Variants in LEPR observed in about 807,000 individuals in gnomAD.
The protein encoded by LEPR is OB receptor.
Under a neutral mutation model 114.7 loss-of-function variants are expected in LEPR, and 56 were observed. The observed-to-expected ratio is 0.49, with a 90% CI of 0.39 to 0.61. The LOEUF is 0.61. Ranked by LOEUF, LEPR falls within the 20% of genes least tolerant of loss-of-function variation. LEPR has a pLI of 0.00. For synonymous variants in LEPR, 443 were observed against 461.4 expected (o/e 0.96, Z 0.51); for missense variants, 1,202 against 1,352.9 (o/e 0.89, Z 1.75).
In LEPR at chr1:65,626,241, C is replaced by T. The variant is rs1658209436; in HGVS notation, c.2673+3260C>T. On this transcript the variant is annotated intron_variant, in intron 19 of 19. Coordinates refer to ENST00000349533, the MANE Select transcript of LEPR (RefSeq NM_002303.6). ...CCCTGAGGTGTGCACAATGCTGCCA[C>T]AGGTCATCTGACAGACCTTATATAC... 4 of 1,480,872 alleles carry T rather than the reference C, an allele frequency of 2.7e-6. No individual in the cohort carries two copies. The Admixed American group carries it at 8.6e-5, about 32-fold the overall frequency. 91.7% of individuals were successfully genotyped at this position (1,480,872 alleles called of 1,614,324 possible). A position where few individuals can be genotyped will look rare whatever the true frequency, so the allele number is the denominator to read the frequency against.
At chr1:65,627,723 A>G (rs1658301813) in intron 19 of LEPR, among the ~76,000 whole-genome samples, 1 of 152,200 alleles carries the variant, frequency 6.6e-6, no homozygotes, top group African/African-American at 2.4e-5. Context: ...TGAATAAATA[A>G]GCAAACAAAC....
chr1:65,608,800 A>T lies in LEPR; in HGVS notation c.1651A>T (p.Ile551Phe), dbSNP rs754017622. ...TGTGAAAGCAGAAATTACTATAAAC[A>T]TTGGATTATTGAAAATATCTTGGGA... The part of the protein sequence containing the change: ...SSVKAEITIN[I>F]GLLKISWEKP... Residue 551 changes from isoleucine (I) to phenylalanine (F), a missense_variant, in exon 12 of 20, where the codon ATT becomes TTT. Ile to Phe is a conservative substitution (Grantham distance 21). Coordinates refer to ENST00000349533, the MANE Select transcript of LEPR (RefSeq NM_002303.6). The T allele has an allele frequency of 7.4e-6, 12 of 1,613,658 alleles. No homozygotes were observed. The South Asian group carries it at 1.3e-4, about 18-fold the overall frequency.
In LEPR at chr1:65,439,262, AAT is replaced by A. The variant is rs1646613961; in HGVS notation, c.-21+13889_-21+13890del. On this transcript the variant is annotated intron_variant, in intron 2 of 19. Coordinates refer to ENST00000349533, the MANE Select transcript of LEPR (RefSeq NM_002303.6). ...CCCGGTAAGATTTTTAGGAGAAATT[AAT>A]ATATTCCCTGATTTCTAACTTATTA... is the stretch of plus-strand genomic sequence containing the variant. 3.9e-5 allele frequency among the ~76,000 whole-genome samples: 6 copies of A among 152,304 alleles called. No individual in the cohort carries two copies. The South Asian group carries it at 1.2e-3, about 32-fold the overall frequency.
chr1:65,566,556 TGG>T (rs1438542828), intron 3 of LEPR, among the ~76,000 whole-genome samples: 2 of 152,256 alleles, frequency 1.3e-5, no homozygotes, highest in African/African-American at 4.8e-5. Context: ...TACCACATTC[TGG>T]TGACATTCTG....
chr1:65,423,023 A>C (rs1214440674), intron 1 of LEPR, among the ~76,000 whole-genome samples: 4 of 152,184 alleles, frequency 2.6e-5, no homozygotes, highest in Non-Finnish European at 5.9e-5. Flanking sequence ...ACCTTGACCT[A>C]CTGATTCATT....
chr1:65,454,940 C>A (rs538925489), intron 2 of LEPR, among the ~76,000 whole-genome samples: 1 of 152,296 alleles, frequency 6.6e-6, no homozygotes, highest in East Asian at 1.9e-4. Context: ...TAGATTTGGT[C>A]TTTTCACATA....
At chr1:65,439,157 C>T (rs1454031394) in intron 2 of LEPR, among the ~76,000 whole-genome samples, 1 of 152,128 alleles carries the variant, frequency 6.6e-6, no homozygotes, top group Non-Finnish European at 1.5e-5. Flanking sequence ...TATATCCCTC[C>T]AGTGAATTGG....
chr1:65,535,606 C>T (rs186740244), intron 2 of LEPR, among the ~76,000 whole-genome samples: 14 of 152,116 alleles, frequency 9.2e-5, no homozygotes, highest in African/African-American at 3.4e-4. Flanking sequence ...CCGCTTTGGC[C>T]TCCCAAAGCG....
At chr1:65,566,119 T>C (rs1653734445) in intron 3 of LEPR, among the ~76,000 whole-genome samples, 1 of 152,170 alleles carries the variant, frequency 6.6e-6, no homozygotes, top group Admixed American at 6.5e-5. Flanking sequence ...TTGATAGACA[T>C]TTCTTTTTCT....
rs775831247 is a variant in LEPR, at chr1:65,618,160, A to G, written c.2395+14A>G. The G allele has an allele frequency of 6.9e-6, 11 of 1,595,454 alleles. No individual in the cohort carries two copies. The highest frequency in any genetic ancestry group is 6.7e-5 in the Admixed American group (4 of 59,708). ...ATTATATCCATGGTAAGTTTACTAT[A>G]CTTTAGTAAGTTGCTCTCATGGATT... On this transcript the variant is annotated intron_variant, in intron 16 of 19. Coordinates refer to ENST00000349533, the MANE Select transcript of LEPR (RefSeq NM_002303.6).
At chr1:65,544,006 G>C (rs1651444590) in intron 2 of LEPR, among the ~76,000 whole-genome samples, 1 of 151,966 alleles carries the variant, frequency 6.6e-6, no homozygotes. Flanking sequence ...TTTAAAGAAA[G>C]TCAATGGTGG....
chr1:65,586,266 G>T lies in LEPR; in HGVS notation c.495-6391G>T, dbSNP rs1456984987. Among the ~76,000 whole-genome samples, 3 of 152,096 alleles carry T rather than the reference G, an allele frequency of 2.0e-5. No homozygotes were observed. In the East Asian group the frequency reaches 5.8e-4, roughly 29 times the overall value. The stretch of plus-strand genomic sequence containing the variant: ...GATGATGTTAGTTCCCTCAAAGGGT[G>T]CTTTGAAAAACTGGATTAGATAATA... On this transcript the variant is annotated intron_variant, in intron 5 of 19. Coordinates refer to ENST00000349533, the MANE Select transcript of LEPR (RefSeq NM_002303.6).
At chr1:65,497,198 G>T (rs910990880) in intron 2 of LEPR, among the ~76,000 whole-genome samples, 1 of 152,082 alleles carries the variant, frequency 6.6e-6, no homozygotes, top group Non-Finnish European at 1.5e-5. Flanking sequence ...TCATGCAAAA[G>T]GTAGTTGAAT....
At chr1:65,534,274 A>G (rs1650601681) in intron 2 of LEPR, among the ~76,000 whole-genome samples, 1 of 152,116 alleles carries the variant, frequency 6.6e-6, no homozygotes, top group Admixed American at 6.6e-5. Context: ...TCTATTGTTC[A>G]GTAACTACTG....
chr1:65,433,784 A>C, intron 2 of LEPR: 2 of 950,002 alleles, frequency 2.1e-6, no homozygotes, highest in Non-Finnish European at 2.5e-6. Context: ...GTATTGTAAT[A>C]AATTTCACTT....
Position 65,583,665 on chromosome 1 carries a change from G to A in LEPR, c.495-8992G>A, listed in dbSNP as rs6701532. Among the ~76,000 whole-genome samples, 502 of 152,136 alleles carry A rather than the reference G, an allele frequency of 3.3e-3. 5 individuals are homozygous for A. Among genetic ancestry groups the A allele is most frequent in the African/African-American group, 0.012 (482 of 41,504 alleles). ...ACTCTTCAAGGCAAAATAAAACAAT[G>A]TAATATTCAAAAATGAAATAATCAC... On this transcript the variant is annotated intron_variant, in intron 5 of 19. Transcript: ENST00000349533.
At chr1:65,600,533 C>T (rs3790421) in intron 8 of LEPR, among the ~76,000 whole-genome samples, 71,194 of 151,928 alleles carry the variant, frequency 0.47, 17,880 homozygotes, top group East Asian at 0.88. Flanking sequence ...TTTTCATAGT[C>T]TATCAACAGA....
At chr1:65,421,559 C>A in intron 1 of LEPR, 1 of 1,358,034 alleles carries the variant, frequency 7.4e-7, no homozygotes, top group Non-Finnish European at 1.0e-6. Context: ...CAAAGATATC[C>A]CCAGTTAACA....
At position 65,420,675 on chromosome 1, in the gene LEPR, C is replaced by T. The variant is rs368145929; in HGVS notation, c.-162C>T. 3.2e-6 allele frequency: 5 copies of T among 1,562,010 alleles called. No individual in the cohort carries two copies. The highest frequency in any genetic ancestry group is 1.4e-5 in the African/African-American group (1 of 73,696). ...TCCCGGTCTGGCTTGGGCAGGCTGCCCGGGCCGTGGCAGGAAGCCGGAAGC... is the reference window on the plus strand; with the variant it reads ...TCCCGGTCTGGCTTGGGCAGGCTGCTCGGGCCGTGGCAGGAAGCCGGAAGC... On this transcript the variant is annotated 5_prime_UTR_variant, in exon 1 of 20. Coordinates refer to ENST00000349533, the MANE Select transcript of LEPR (RefSeq NM_002303.6).
Sources: allele counts gnomAD v4.1 joint callset (sites outside exome capture counted in the v4.1 genomes callset), GRCh38; gene constraint gnomAD v4.1.1; transcripts MANE v1.5; gene names NCBI Gene and HGNC (gene_info 2026-07-23, HGNC 2026-07-21).